GNPDA2: variants seen among roughly 807,000 people sequenced by gnomAD.
The protein encoded by GNPDA2 is glucosamine-6-phosphate deaminase 2.
A neutral mutation model predicts 27.0 loss-of-function variants in GNPDA2; 24 were observed. The ratio of observed to expected loss-of-function variants is 0.89; its 90% CI spans 0.64 to 1.25. The LOEUF (loss-of-function observed/expected upper bound fraction) is 1.25. GNPDA2 is among the 50% of genes most tolerant of loss of function. GNPDA2 has a pLI of 0.00. For synonymous variants in GNPDA2, 94 were observed against 108.4 expected (o/e 0.87, Z 0.83); for missense variants, 286 against 335.1 (o/e 0.85, Z 1.14).
chr4:44,722,197 A>G lies in GNPDA2; in HGVS notation c.11T>C (p.Val4Ala), dbSNP rs1298958187. Residue 4 changes from valine to alanine, a missense_variant, in exon 2 of 7, where the codon GTA becomes GCA. Coordinates refer to ENST00000295448, the MANE Select transcript of GNPDA2 (RefSeq NM_138335.3). ...AGCCAAGTCATAGTTATCAAGAATTACAAGCCTCATTACGGTGACGCACAG... is the reference window on the plus strand; with the variant it reads ...AGCCAAGTCATAGTTATCAAGAATTGCAAGCCTCATTACGGTGACGCACAG... MRL[V>A]ILDNYDLASE... The G allele has an allele frequency of 2.0e-5, 32 of 1,613,412 alleles. No homozygotes were observed. Among genetic ancestry groups the G allele is most frequent in the Non-Finnish European group, 2.7e-5 (32 of 1,179,570 alleles).
At chr4:44,709,110 G>T (rs369926230) in intron 5 of GNPDA2, among the ~76,000 whole-genome samples, 12 of 152,028 alleles carry the variant, frequency 7.9e-5, no homozygotes, top group African/African-American at 2.7e-4. Flanking sequence ...CTCTAAAAAG[G>T]TAATGGGACA....
At position 44,713,386 on chromosome 4, in the gene GNPDA2, T is replaced by G. The variant is rs574059714; in HGVS notation, c.410-2249A>C. On this transcript the variant is annotated intron_variant, in intron 4 of 6. Transcript: ENST00000295448. ...GATTGATGAGTTTCTACTTCTGAGATCTGAGGTTCTCTGTTTTTCCAAAGA... is the reference window on the plus strand; with the variant it reads ...GATTGATGAGTTTCTACTTCTGAGAGCTGAGGTTCTCTGTTTTTCCAAAGA... 3.4e-3 allele frequency among the ~76,000 whole-genome samples: 513 copies of G among 152,316 alleles called. 1 individual carries two copies. The highest frequency in any genetic ancestry group is 0.012 in the African/African-American group (496 of 41,586).
At chr4:44,721,628 A>G (rs972269649) in intron 2 of GNPDA2, among the ~76,000 whole-genome samples, 2 of 142,452 alleles carry the variant, frequency 1.4e-5, no homozygotes, top group African/African-American at 5.1e-5. Flanking sequence ...GCTAATAAAC[A>G]TTATATAATA....
At chr4:44,716,483 A>G in intron 4 of GNPDA2, among the ~76,000 whole-genome samples, 1 of 147,328 alleles carries the variant, frequency 6.8e-6, no homozygotes, top group East Asian at 2.0e-4. Flanking sequence ...TTGTCATTAC[A>G]AAGGAAAAAA....
intron 5 of GNPDA2, among the ~76,000 whole-genome samples, chr4:44,708,479 T>C (rs753030996): frequency 6.6e-6 from 1 of 152,060 alleles, no homozygotes; most frequent in Non-Finnish European, 1.5e-5. Context: ...AGGGATCTAC[T>C]TAAACATAGG....
chr4:44,709,497 T>C (rs1347440556), intron 5 of GNPDA2, among the ~76,000 whole-genome samples: 1 of 152,178 alleles, frequency 6.6e-6, no homozygotes, highest in Non-Finnish European at 1.5e-5. Flanking sequence ...TAGGTGTGGA[T>C]ACCAGGTGAT....
chr4:44,719,964 A>G (rs985921234), intron 2 of GNPDA2, among the ~76,000 whole-genome samples: 1 of 152,130 alleles, frequency 6.6e-6, no homozygotes, highest in Admixed American at 6.6e-5. Context: ...ATAACACAGG[A>G]AAAACATTAT....
intron 1 of GNPDA2, among the ~76,000 whole-genome samples, chr4:44,725,771 G>A (rs1717973438): frequency 7.0e-6 from 1 of 142,010 alleles, no homozygotes; most frequent in Admixed American, 7.0e-5. Context: ...GGCATCACAA[G>A]ACAGCATCAA....
intron 3 of GNPDA2, 53 bp from the exon 4 acceptor site, chr4:44,717,348 T>G: frequency 9.6e-7 from 1 of 1,043,480 alleles, no homozygotes. Context: ...ATCTAAAGTT[T>G]ATTTTTCTTT....
intron 1 of GNPDA2, among the ~76,000 whole-genome samples, chr4:44,724,676 A>G (rs1440928623): frequency 6.6e-6 from 1 of 152,178 alleles, no homozygotes; most frequent in Non-Finnish European, 1.5e-5. Context: ...AATAAGTCAA[A>G]TTTTCTAAAT....
intron 3 of GNPDA2, among the ~76,000 whole-genome samples, chr4:44,717,736 C>T (rs1003383058): frequency 2.0e-5 from 3 of 151,840 alleles, no homozygotes; most frequent in African/African-American, 7.2e-5. Context: ...TCTATTCATC[C>T]TGTATGTGTG....
intron 2 of GNPDA2, among the ~76,000 whole-genome samples, chr4:44,721,055 T>TG (rs1407192110): frequency 1.0e-5 from 1 of 100,380 alleles, no homozygotes; most frequent in Non-Finnish European, 2.6e-5. Flanking sequence ...GTGTGTCCAG[T>TG]GAAAAAAAAA....
Position 44,711,085 on chromosome 4 carries a change from C to T in GNPDA2, c.462G>A (p.Val154=). 1 of 1,611,794 alleles carries T rather than the reference C, an allele frequency of 6.2e-7. No individual in the cohort carries two copies. Among genetic ancestry groups the T allele is most frequent in the African/African-American group, 1.3e-5 (1 of 74,888 alleles). The part of the protein sequence containing the change: ...IAFNEPGSSL[V]SRTRLKTLAM... ...CTAGAGTCTTTAATCTTGTCCTTGA[C>T]ACTAAACTGGATCCAGGCTCATTGA... Residue 154 remains valine, a synonymous_variant, in exon 5 of 7, where the codon GTG becomes GTA. Transcript: ENST00000295448.
chr4:44,720,671 T>A (rs961697101), intron 2 of GNPDA2, among the ~76,000 whole-genome samples: 14 of 152,110 alleles, frequency 9.2e-5, no homozygotes, highest in Admixed American at 6.6e-5. Context: ...TATGTTCAAG[T>A]CTCAGAAGCA....
chr4:44,720,115 AACTC>A (rs1560363732), intron 2 of GNPDA2, among the ~76,000 whole-genome samples: 2 of 152,166 alleles, frequency 1.3e-5, no homozygotes, highest in Admixed American at 6.5e-5. Context: ...AGAGGAAACT[AACTC>A]AGAGCAGAGA....
chr4:44,703,222 TTA>T, intron 6 of GNPDA2, 80 bp from the exon 7 acceptor site: 2 of 1,529,462 alleles, frequency 1.3e-6, no homozygotes, highest in African/African-American at 1.4e-5. Context: ...AAAGTATTTT[TTA>T]TAAGACACAG....
chr4:44,704,611 CTT>C (rs1185260263), intron 6 of GNPDA2: 3 of 795,924 alleles, frequency 3.8e-6, no homozygotes, highest in Non-Finnish European at 4.6e-6. Flanking sequence ...TTTACTGTGA[CTT>C]TAGGTAAAAA....
intron 2 of GNPDA2, among the ~76,000 whole-genome samples, chr4:44,721,410 T>A (rs13139704): frequency 0.53 from 79,876 of 151,856 alleles, 22,432 homozygotes; most frequent in Non-Finnish European, 0.64. Flanking sequence ...TGCCTTGTAG[T>A]CAATAAGGAG....
intron 4 of GNPDA2, among the ~76,000 whole-genome samples, chr4:44,716,751 T>C (rs1717316943): frequency 2.0e-5 from 3 of 151,982 alleles, no homozygotes; most frequent in South Asian, 2.1e-4. Context: ...GTAGGCTGGC[T>C]AGAGTTTTAA....
Sources: allele counts gnomAD v4.1 joint callset (sites outside exome capture counted in the v4.1 genomes callset), GRCh38; gene constraint gnomAD v4.1.1; transcripts MANE v1.5; gene names NCBI Gene and HGNC (gene_info 2026-07-23, HGNC 2026-07-21).